Variants in LUZP2 observed in about 807,000 individuals in gnomAD.
LUZP2 encodes leucine zipper protein 2.
LUZP2 carries 52 observed loss-of-function variants against 51.6 expected under a neutral mutation model. The ratio of observed to expected loss-of-function variants is 1.01; its 90% CI spans 0.81 to 1.27. The LOEUF (loss-of-function observed/expected upper bound fraction) is 1.27. Ranked by LOEUF, LUZP2 falls within the 50% of genes most tolerant of loss-of-function variation. The pLI is 0.00. For synonymous variants in LUZP2, 154 were observed against 137.3 expected (o/e 1.12, Z -0.85); for missense variants, 436 against 395.4 (o/e 1.10, Z -0.87).
intron 1 of LUZP2, chr11:24,701,472 C>T: frequency 6.0e-6 from 1 of 165,448 alleles, no homozygotes; most frequent in East Asian, 1.9e-4. Flanking sequence ...GCAAAAATGG[C>T]TAAGAAACTA....
chr11:24,877,596 A>G (rs1021657636), intron 5 of LUZP2, among the ~76,000 whole-genome samples: 2 of 152,148 alleles, frequency 1.3e-5, no homozygotes, highest in African/African-American at 2.4e-5. Context: ...TTACAAACAA[A>G]CCAATTATAC....
intron 5 of LUZP2, among the ~76,000 whole-genome samples, chr11:24,874,381 C>T (rs531566859): frequency 2.0e-5 from 3 of 152,224 alleles, no homozygotes; most frequent in South Asian, 2.1e-4. Flanking sequence ...TTATATGCCA[C>T]CTCTCACAGT....
intron 5 of LUZP2, among the ~76,000 whole-genome samples, chr11:24,897,406 GT>G (rs1380562801): frequency 7.9e-5 from 12 of 152,296 alleles, no homozygotes; most frequent in African/African-American, 2.6e-4. Context: ...TTTATGAGCT[GT>G]AACACTCATT....
intron 1 of LUZP2, among the ~76,000 whole-genome samples, chr11:24,623,140 G>A (rs752557294): frequency 4.0e-5 from 6 of 151,680 alleles, no homozygotes; most frequent in African/African-American, 7.3e-5. Flanking sequence ...GAGAGAAGCA[G>A]GCATTTACTG....
chr11:24,567,995 C>T (rs1019369766), intron 1 of LUZP2, among the ~76,000 whole-genome samples: 42 of 152,046 alleles, frequency 2.8e-4, no homozygotes, highest in African/African-American at 9.9e-4. Flanking sequence ...AATAAAACAT[C>T]TAAACAATCT....
At chr11:24,979,843 G>C (rs1855977492) in intron 8 of LUZP2, among the ~76,000 whole-genome samples, 1 of 151,736 alleles carries the variant, frequency 6.6e-6, no homozygotes, top group South Asian at 2.1e-4. Flanking sequence ...CATAGGTAGG[G>C]TAAGTGACCT....
intron 1 of LUZP2, among the ~76,000 whole-genome samples, chr11:24,562,805 T>A: frequency 6.8e-6 from 1 of 147,984 alleles, no homozygotes; most frequent in East Asian, 2.0e-4. Context: ...AAGCTTACAG[T>A]GAGCCGAGAT....
chr11:25,046,752 A>C (rs1405438906), intron 9 of LUZP2, among the ~76,000 whole-genome samples: 1 of 152,186 alleles, frequency 6.6e-6, no homozygotes, highest in African/African-American at 2.4e-5. Flanking sequence ...AAAATTTAAA[A>C]AATCATCAAC....
At position 24,925,460 on chromosome 11, in the gene LUZP2, A is replaced by G. The variant is rs76702402; in HGVS notation, c.522+10922A>G. 1.2e-4 allele frequency among the ~76,000 whole-genome samples: 18 copies of G among 152,322 alleles called. No individual in the cohort carries two copies. In the East Asian group the frequency reaches 3.5e-3, roughly 29 times the overall value. On this transcript the variant is annotated intron_variant, in intron 7 of 11. Transcript: ENST00000336930. ...GTAAATTCTGTGCATAAGAAACAAG[A>G]GAAAGTAAATTGGCTTGTCAAAATC...
At chr11:24,827,130 G>C (rs1485010074) in intron 5 of LUZP2, among the ~76,000 whole-genome samples, 2 of 152,146 alleles carry the variant, frequency 1.3e-5, no homozygotes, top group Non-Finnish European at 2.9e-5. Flanking sequence ...TTATGTATAA[G>C]ATTGAATGGC....
intron 5 of LUZP2, among the ~76,000 whole-genome samples, chr11:24,763,753 G>T (rs899699948): frequency 5.9e-5 from 9 of 152,226 alleles, no homozygotes; most frequent in Admixed American, 5.9e-4. Context: ...TCATTTCCAT[G>T]ATAGCCTTTA....
intron 1 of LUZP2, among the ~76,000 whole-genome samples, chr11:24,515,107 C>T (rs114015620): frequency 6.8e-4 from 103 of 152,236 alleles, no homozygotes; most frequent in African/African-American, 2.3e-3. Flanking sequence ...AGTTTAGAAC[C>T]GGAAAGTTCA....
intron 10 of LUZP2, among the ~76,000 whole-genome samples, chr11:25,072,883 CA>C (rs1189174552): frequency 6.6e-6 from 1 of 151,892 alleles, no homozygotes; most frequent in African/African-American, 2.4e-5. Context: ...CTTTTCTTTC[CA>C]AAGCAAAACA....
At chr11:25,010,177 T>C (rs954573268) in intron 9 of LUZP2, among the ~76,000 whole-genome samples, 2 of 152,170 alleles carry the variant, frequency 1.3e-5, no homozygotes. Context: ...AATTCAAGCA[T>C]ATGCTGCTAT....
At chr11:24,932,824 G>A (rs1484692782) in intron 7 of LUZP2, among the ~76,000 whole-genome samples, 2 of 152,148 alleles carry the variant, frequency 1.3e-5, no homozygotes, top group African/African-American at 2.4e-5. Context: ...TCTCTCTCGG[G>A]TTCTGTCCAG....
At chr11:24,835,273 TG>T (rs1850829701) in intron 5 of LUZP2, among the ~76,000 whole-genome samples, 1 of 152,230 alleles carries the variant, frequency 6.6e-6, no homozygotes, top group Non-Finnish European at 1.5e-5. Context: ...AAACAGAAAC[TG>T]GACCCTTTCC....
At chr11:24,847,752 G>C (rs780712397) in intron 5 of LUZP2, among the ~76,000 whole-genome samples, 5 of 152,092 alleles carry the variant, frequency 3.3e-5, no homozygotes, top group Non-Finnish European at 7.4e-5. Flanking sequence ...TTGATTTTCT[G>C]TTTTAATCAC....
intron 5 of LUZP2, among the ~76,000 whole-genome samples, chr11:24,820,710 A>C (rs1423927351): frequency 1.3e-5 from 2 of 152,252 alleles, no homozygotes. Flanking sequence ...TATGATTCAG[A>C]GATTGCTCAA....
At chr11:24,890,629 A>C (rs1852819714) in intron 5 of LUZP2, among the ~76,000 whole-genome samples, 1 of 152,082 alleles carries the variant, frequency 6.6e-6, no homozygotes, top group African/African-American at 2.4e-5. Flanking sequence ...ATGAATTCCT[A>C]ATGTGTTAGT....
Sources: gnomAD v4.1 joint callset for allele counts (sites outside exome capture counted in the v4.1 genomes callset) on GRCh38, gnomAD v4.1.1 for gene constraint, MANE v1.5 for transcripts, NCBI Gene and HGNC (gene_info 2026-07-23, HGNC 2026-07-21) for gene names.